The following ADGRB3 variants were observed in gnomAD, a reference collection of about 807,000 sequenced individuals.
ADGRB3 encodes the protein brain-specific angiogenesis inhibitor 3.
In ADGRB3, 37 loss-of-function variants were observed where a neutral mutation model predicts 193.4. That is an observed-to-expected ratio of 0.19 (90% confidence interval 0.15 to 0.25). ADGRB3 has a LOEUF of 0.25. Ranked by LOEUF, ADGRB3 falls within the 10% of genes least tolerant of loss-of-function variation. The pLI, the probability that ADGRB3 is intolerant of heterozygous loss-of-function variation, is 1.00. For missense variants in ADGRB3, 1,637 were observed against 1,852.9 expected (o/e 0.88, Z 2.14); for synonymous variants, 690 against 644.2 (o/e 1.07, Z -1.08).
At chr6:68,742,871 T>C (rs951810852) in intron 3 of ADGRB3, among the ~76,000 whole-genome samples, 1 of 151,924 alleles carries the variant, frequency 6.6e-6, no homozygotes, top group Non-Finnish European at 1.5e-5. Context: ...GTAATTTTAA[T>C]ATATTTTTTA....
chr6:68,963,795 C>A (rs1325325856), intron 8 of ADGRB3, among the ~76,000 whole-genome samples: 1 of 152,090 alleles, frequency 6.6e-6, no homozygotes, highest in African/African-American at 2.4e-5. Context: ...AGTGTTCTTT[C>A]TTCTTTGAAC....
intron 3 of ADGRB3, among the ~76,000 whole-genome samples, chr6:68,815,750 G>A (rs1197167623): frequency 3.3e-5 from 5 of 151,790 alleles, no homozygotes; most frequent in Non-Finnish European, 5.9e-5. Context: ...ATACACAATT[G>A]CACGAAATAA....
At chr6:68,726,929 A>T (rs1194185382) in intron 3 of ADGRB3, among the ~76,000 whole-genome samples, 1 of 151,498 alleles carries the variant, frequency 6.6e-6, no homozygotes, top group East Asian at 1.9e-4. Context: ...TCCTCATTGG[A>T]TAAAATCAAT....
intron 3 of ADGRB3, among the ~76,000 whole-genome samples, chr6:68,828,851 G>A (rs537059060): frequency 3.9e-5 from 6 of 152,202 alleles, no homozygotes; most frequent in African/African-American, 1.4e-4. Context: ...ACGGGATAGA[G>A]TCTGTAGTAT....
At chr6:68,651,329 C>T (rs1376982056) in intron 3 of ADGRB3, among the ~76,000 whole-genome samples, 2 of 152,156 alleles carry the variant, frequency 1.3e-5, no homozygotes, top group African/African-American at 4.8e-5. Flanking sequence ...AGCATCATTT[C>T]ACTTCCAAGA....
intron 16 of ADGRB3, among the ~76,000 whole-genome samples, chr6:69,068,592 A>G (rs895880509): frequency 6.6e-6 from 1 of 152,178 alleles, no homozygotes; most frequent in African/African-American, 2.4e-5. Flanking sequence ...AAGCATATAC[A>G]TGTAAAAACG....
chr6:68,746,351 T>C (rs949737422), intron 3 of ADGRB3, among the ~76,000 whole-genome samples: 9 of 152,060 alleles, frequency 5.9e-5, no homozygotes, highest in Non-Finnish European at 1.2e-4. Context: ...CTTAATTTAC[T>C]TATCCCTTTT....
intron 17 of ADGRB3, among the ~76,000 whole-genome samples, chr6:69,224,404 G>A (rs530851289): frequency 1.3e-5 from 2 of 152,204 alleles, no homozygotes; most frequent in East Asian, 1.9e-4. Context: ...CATCTCAACT[G>A]TTGCAAATTA....
chr6:68,811,050 T>C (rs1457969732), intron 3 of ADGRB3, among the ~76,000 whole-genome samples: 1 of 152,138 alleles, frequency 6.6e-6, no homozygotes, highest in Non-Finnish European at 1.5e-5. Context: ...TGTTAAAAAT[T>C]GTTTACCCTA....
At chr6:69,337,276 G>A (rs1768870884) in intron 24 of ADGRB3, among the ~76,000 whole-genome samples, 1 of 152,120 alleles carries the variant, frequency 6.6e-6, no homozygotes, top group South Asian at 2.1e-4. Context: ...TGTGATAAAG[G>A]AAACAATATA....
At chr6:69,119,809 G>A (rs948814743) in intron 17 of ADGRB3, among the ~76,000 whole-genome samples, 7 of 152,142 alleles carry the variant, frequency 4.6e-5, no homozygotes, top group African/African-American at 1.4e-4. Context: ...TTGGAAATGG[G>A]CTCTGAAAAA....
intron 21 of ADGRB3, among the ~76,000 whole-genome samples, chr6:69,325,974 C>T (rs1362931901): frequency 2.0e-5 from 3 of 152,066 alleles, no homozygotes; most frequent in South Asian, 2.1e-4. Context: ...GAAACCAAGG[C>T]GGGTGGACTA....
intron 26 of ADGRB3, among the ~76,000 whole-genome samples, chr6:69,349,512 T>A (rs1265111304): frequency 1.3e-5 from 2 of 152,162 alleles, no homozygotes; most frequent in Admixed American, 1.3e-4. Context: ...ATATTAATAA[T>A]GTGAAGTCAC....
intron 20 of ADGRB3, among the ~76,000 whole-genome samples, chr6:69,292,596 C>T (rs2127293031): frequency 6.6e-6 from 1 of 152,278 alleles, no homozygotes; most frequent in African/African-American, 2.4e-5. Context: ...TAGGAAACTA[C>T]ATTTGTCAGA....
Position 68,930,616 on chromosome 6 carries a change from A to G in ADGRB3, c.815A>G (p.Glu272Gly), listed in dbSNP as rs751392718. 6.2e-7 allele frequency: 1 copy of G among 1,611,738 alleles called. No individual in the cohort carries two copies. The highest frequency in any genetic ancestry group is 8.5e-7 in the Non-Finnish European group (1 of 1,178,692). Reference protein sequence around the residue: ...IKSQRPRSVHEKRVPQEQADA... With the variant: ...IKSQRPRSVHGKRVPQEQADA... ...AGTCAGCGACCTCGATCTGTTCATG[A>G]AAAAAGGGTCCCTCAGGAACAAGCT... The change falls in exon 4 of 32, where the codon GAA (glutamate) becomes GGA (glycine). Residue 272 changes from glutamate to glycine, a missense_variant. This residue lies in a region of ADGRB3 where 365 missense variants were observed against 409.8 expected (regional missense o/e 0.89). Transcript: ENST00000370598.
intron 16 of ADGRB3, among the ~76,000 whole-genome samples, chr6:69,069,225 A>T (rs971853836): frequency 4.6e-5 from 7 of 152,010 alleles, no homozygotes; most frequent in Admixed American, 1.3e-4. Context: ...CTTCCTGTTG[A>T]GTTTTATATT....
rs377397725 is a variant in ADGRB3, at chr6:68,883,383, A to C, written c.758-47176A>C. 1.1e-4 allele frequency among the ~76,000 whole-genome samples: 16 copies of C among 152,274 alleles called. No individual in the cohort carries two copies. The South Asian group carries it at 2.9e-3, about 28-fold the overall frequency. On this transcript the variant is annotated intron_variant, in intron 3 of 31. Transcript: ENST00000370598. ...GTGGGTGGGGTCAGATAAGGGAATA[A>C]AAGCAGGCTGCAGCACCAGCTGCGG... is the stretch of plus-strand genomic sequence containing the variant.
chr6:69,098,466 G>A (rs769131335), intron 17 of ADGRB3, among the ~76,000 whole-genome samples: 7 of 152,126 alleles, frequency 4.6e-5, no homozygotes, highest in Admixed American at 6.6e-5. Flanking sequence ...TAACTTATGA[G>A]GAAAAGAGGT....
At chr6:69,235,466 A>C (rs1766241989) in intron 19 of ADGRB3, among the ~76,000 whole-genome samples, 1 of 152,008 alleles carries the variant, frequency 6.6e-6, no homozygotes, top group African/African-American at 2.4e-5. Context: ...ATTTATCCCA[A>C]TTGCTATGGA....
Sources: allele counts gnomAD v4.1 joint callset (sites outside exome capture counted in the v4.1 genomes callset), GRCh38; gene constraint gnomAD v4.1.1; regional missense constraint gnomAD v4.1.1; transcripts MANE v1.5; gene names NCBI Gene and HGNC (gene_info 2026-07-23, HGNC 2026-07-21).